Variants in EZH2 observed in about 807,000 individuals in gnomAD.
EZH2 encodes the protein enhancer of zeste 2 polycomb repressive complex 2 subunit.
A neutral mutation model predicts 98.4 loss-of-function variants in EZH2; 18 were observed. The observed-to-expected ratio is 0.18, with a 90% CI of 0.13 to 0.27. The LOEUF is 0.27. EZH2 is among the 10% of genes least tolerant of loss of function. The probability of loss-of-function intolerance (pLI) is 1.00; values close to 1 mark genes in which losing one functional copy is unlikely to be tolerated. For synonymous variants in EZH2, 338 were observed against 312.3 expected (o/e 1.08, Z -0.87); for missense variants, 470 against 935.1 (o/e 0.50, Z 6.49).
At chr7:148,874,133 C>G (rs1168528297) in intron 1 of EZH2, among the ~76,000 whole-genome samples, 1 of 152,056 alleles carries the variant, frequency 6.6e-6, no homozygotes, top group Non-Finnish European at 1.5e-5. Context: ...TGCCTGTAAT[C>G]CCAGCACTTT....
intron 13 of EZH2, 59 bp downstream of exon 13, chr7:148,815,446 CA>C: frequency 6.6e-7 from 1 of 1,525,682 alleles, no homozygotes; most frequent in African/African-American, 1.4e-5. Context: ...TATTCTAAAA[CA>C]AATGAAAACA....
At chr7:148,850,931 C>A (rs1331668023) in intron 1 of EZH2, among the ~76,000 whole-genome samples, 4 of 152,096 alleles carry the variant, frequency 2.6e-5, no homozygotes, top group African/African-American at 7.2e-5. Flanking sequence ...TATATTGTTA[C>A]AAAAGTTACG....
At chr7:148,871,578 T>TTC (rs1819411757) in intron 1 of EZH2, among the ~76,000 whole-genome samples, 1 of 92,292 alleles carries the variant, frequency 1.1e-5, no homozygotes, top group Non-Finnish European at 2.1e-5. Flanking sequence ...GTGTATTTTC[T>TTC]TTTTTTTTTT....
chr7:148,831,697 T>G (rs971771413), intron 4 of EZH2, among the ~76,000 whole-genome samples: 1 of 152,206 alleles, frequency 6.6e-6, no homozygotes, highest in African/African-American at 2.4e-5. Context: ...GTAACTGAAG[T>G]TGAGACTCTA....
intron 8 of EZH2, among the ~76,000 whole-genome samples, chr7:148,821,474 G>A (rs941024177): frequency 6.6e-6 from 1 of 152,032 alleles, no homozygotes; most frequent in African/African-American, 2.4e-5. Flanking sequence ...AAATTTAATG[G>A]GATTCCAATA....
intron 3 of EZH2, among the ~76,000 whole-genome samples, chr7:148,837,922 C>A (rs1811320389): frequency 6.6e-6 from 1 of 152,214 alleles, no homozygotes; most frequent in Non-Finnish European, 1.5e-5. Context: ...TGAAGAACCT[C>A]TACCCTACAA....
intron 3 of EZH2, among the ~76,000 whole-genome samples, chr7:148,842,763 G>A (rs1350576721): frequency 6.6e-6 from 1 of 151,886 alleles, no homozygotes; most frequent in Non-Finnish European, 1.5e-5. Flanking sequence ...TTGCCCTAAA[G>A]TATCTTAAAA....
At chr7:148,849,753 T>C (rs1310484710) in intron 1 of EZH2, among the ~76,000 whole-genome samples, 1 of 152,250 alleles carries the variant, frequency 6.6e-6, no homozygotes. Context: ...AATAGTTTTC[T>C]TCCTATCTGC....
intron 3 of EZH2, chr7:148,837,002 T>C: frequency 2.0e-6 from 1 of 495,130 alleles, no homozygotes; most frequent in Non-Finnish European, 4.0e-6. Flanking sequence ...GTGAATGGCC[T>C]GCAGGGAAGG....
intron 16 of EZH2, 77 bp downstream of exon 16, chr7:148,811,537 CCCACAGACTTA>C: frequency 9.5e-7 from 1 of 1,049,116 alleles, no homozygotes; most frequent in African/African-American, 1.6e-5. Context: ...TCCAATCAAA[CCCACAGACTTA>C]CCTAATAAAA....
intron 1 of EZH2, among the ~76,000 whole-genome samples, chr7:148,852,729 C>CT (rs781317766): frequency 4.6e-4 from 70 of 152,296 alleles, no homozygotes; most frequent in Non-Finnish European, 8.1e-4. Flanking sequence ...AGTCTCATGA[C>CT]CTAAGCCCTA....
intron 15 of EZH2, among the ~76,000 whole-genome samples, chr7:148,813,197 C>A (rs975219371): frequency 1.3e-5 from 2 of 152,138 alleles, no homozygotes; most frequent in African/African-American, 4.8e-5. Context: ...ACTTACTCCT[C>A]ACTCACAGGG....
chr7:148,852,224 C>CA (rs1815968429), intron 1 of EZH2, among the ~76,000 whole-genome samples: 1 of 152,212 alleles, frequency 6.6e-6, no homozygotes. Flanking sequence ...TTTACATTTA[C>CA]ATAGGTTAAC....
rs149200514 is a variant in EZH2, at chr7:148,852,077, T to C, written c.-7-4772A>G. On this transcript the variant is annotated intron_variant, in intron 1 of 19. Coordinates refer to ENST00000320356, the MANE Select transcript of EZH2 (RefSeq NM_004456.5). Reference sequence around the variant, plus strand: ...AGCTTTTCCTGTTCAAAACAGATTATACCTCTATTCATTAAAACAAAAGTC... The same window carrying C: ...AGCTTTTCCTGTTCAAAACAGATTACACCTCTATTCATTAAAACAAAAGTC... 1.8e-3 allele frequency among the ~76,000 whole-genome samples: 278 copies of C among 152,334 alleles called. 1 individual carries two copies. Among genetic ancestry groups the C allele is most frequent in the African/African-American group, 6.3e-3 (262 of 41,564 alleles).
In EZH2 at chr7:148,832,694, C is replaced by T; in HGVS notation, c.303G>A (p.Leu101=). ...FPTQVIPLKT[L]NAVASVPIMY... ...TTATGGGTACTGAAGCAACTGCATT[C>T]AGAGTCTTTAATGGGATGACTTGTG... Residue 101 remains leucine, a synonymous_variant, in exon 4 of 20, where the codon CTG becomes CTA. Coordinates refer to ENST00000320356, the MANE Select transcript of EZH2 (RefSeq NM_004456.5). 6.2e-7 allele frequency: 1 copy of T among 1,611,130 alleles called. No homozygotes were observed.
chr7:148,815,337 G>C (rs571923447), intron 13 of EZH2, among the ~76,000 whole-genome samples, 169 bp downstream of exon 13: 1 of 152,200 alleles, frequency 6.6e-6, no homozygotes, highest in Non-Finnish European at 1.5e-5. Flanking sequence ...TTACAGAAGA[G>C]AATTGACTGG....
chr7:148,862,963 T>C (rs556095780), intron 1 of EZH2, among the ~76,000 whole-genome samples: 2 of 151,852 alleles, frequency 1.3e-5, no homozygotes, highest in South Asian at 2.1e-4. Flanking sequence ...AGTATTATTA[T>C]GAAAATAGTT....
chr7:148,853,293 T>C (rs939866705), intron 1 of EZH2, among the ~76,000 whole-genome samples: 5 of 152,104 alleles, frequency 3.3e-5, no homozygotes, highest in African/African-American at 1.2e-4. Flanking sequence ...GTGCCTGTAA[T>C]CCCAGCTACT....
chr7:148,833,285 C>T (rs1419125349), intron 3 of EZH2, among the ~76,000 whole-genome samples: 4 of 151,512 alleles, frequency 2.6e-5, no homozygotes, highest in African/African-American at 7.3e-5. Flanking sequence ...GGTGAAACCC[C>T]GTCTCTACTA....
Sources: gnomAD v4.1 joint callset for allele counts (sites outside exome capture counted in the v4.1 genomes callset) on GRCh38, gnomAD v4.1.1 for gene constraint, MANE v1.5 for transcripts, NCBI Gene and HGNC (gene_info 2026-07-23, HGNC 2026-07-21) for gene names.